Variants in ARHGAP15 observed in about 807,000 individuals in gnomAD.
ARHGAP15 encodes the protein Rho GTPase activating protein 15.
A neutral mutation model predicts 63.7 loss-of-function variants in ARHGAP15; 51 were observed. The observed-to-expected ratio is 0.80, with a 90% CI of 0.64 to 1.01. The LOEUF is 1.01. Ranked by LOEUF, ARHGAP15 falls within the 50% of genes least tolerant of loss-of-function variation. The probability of loss-of-function intolerance (pLI) is 0.00; values close to 1 mark genes in which losing one functional copy is unlikely to be tolerated. For missense variants in ARHGAP15, 560 were observed against 564.6 expected (o/e 0.99, Z 0.08); for synonymous variants, 191 against 193.8 (o/e 0.99, Z 0.12).
intron 10 of ARHGAP15, among the ~76,000 whole-genome samples, chr2:143,539,356 G>GC (rs1380392252): frequency 8.8e-6 from 1 of 113,544 alleles, no homozygotes; most frequent in African/African-American, 3.8e-5. Context: ...ATTTTTTGAA[G>GC]GGTTTTTTGT....
intron 11 of ARHGAP15, among the ~76,000 whole-genome samples, chr2:143,606,056 A>AAAAAC (rs1698007575): frequency 7.4e-6 from 1 of 135,580 alleles, no homozygotes; most frequent in Non-Finnish European, 1.6e-5. Flanking sequence ...AAAAAAAAAA[A>AAAAAC]AAAAAAAAAA....
intron 6 of ARHGAP15, among the ~76,000 whole-genome samples, chr2:143,302,049 G>T (rs1177584307): frequency 6.6e-6 from 1 of 151,914 alleles, no homozygotes; most frequent in East Asian, 1.9e-4. Flanking sequence ...TTTAGACTTT[G>T]ATATTTGCTA....
chr2:143,301,070 A>G (rs1330639369), intron 6 of ARHGAP15, among the ~76,000 whole-genome samples: 5 of 151,880 alleles, frequency 3.3e-5, no homozygotes, highest in African/African-American at 1.2e-4. Flanking sequence ...TTTCCTGGTG[A>G]CTGTATTTTG....
chr2:143,395,280 TGA>T (rs1687709814), intron 6 of ARHGAP15, among the ~76,000 whole-genome samples: 1 of 151,812 alleles, frequency 6.6e-6, no homozygotes, highest in Non-Finnish European at 1.5e-5. Context: ...AGCAAGGAGG[TGA>T]GAGAGATTTC....
At chr2:143,374,343 C>A (rs1375779320) in intron 6 of ARHGAP15, among the ~76,000 whole-genome samples, 3 of 152,230 alleles carry the variant, frequency 2.0e-5, no homozygotes, top group African/African-American at 7.2e-5. Context: ...CTTATTCTCG[C>A]CATTTTCCCC....
chr2:143,425,508 C>T (rs1217937597), intron 6 of ARHGAP15, among the ~76,000 whole-genome samples: 1 of 151,822 alleles, frequency 6.6e-6, no homozygotes, highest in Non-Finnish European at 1.5e-5. Flanking sequence ...GAACATATTA[C>T]ATGTACATAT....
intron 12 of ARHGAP15, among the ~76,000 whole-genome samples, chr2:143,642,272 A>G (rs77710194): frequency 0.022 from 3,355 of 151,946 alleles, 136 homozygotes; most frequent in African/African-American, 0.077. Context: ...TTTTTTATGT[A>G]TAAGAAGAGG....
At chr2:143,462,169 A>G (rs1356373425) in intron 8 of ARHGAP15, among the ~76,000 whole-genome samples, 2 of 152,176 alleles carry the variant, frequency 1.3e-5, no homozygotes, top group African/African-American at 4.8e-5. Flanking sequence ...CAATAAAATA[A>G]AATAGACTTA....
At chr2:143,492,147 G>T (rs745490629) in intron 9 of ARHGAP15, among the ~76,000 whole-genome samples, 14 of 152,184 alleles carry the variant, frequency 9.2e-5, no homozygotes, top group Non-Finnish European at 8.8e-5. Flanking sequence ...CTCCCAAAGT[G>T]CTAGGATTAT....
At chr2:143,408,005 AT>A (rs1688279818) in intron 6 of ARHGAP15, among the ~76,000 whole-genome samples, 1 of 74,438 alleles carries the variant, frequency 1.3e-5, no homozygotes, top group East Asian at 4.7e-4. Flanking sequence ...ATATATATAT[AT>A]ATATATATAT....
chr2:143,394,784 A>G (rs1350040550), intron 6 of ARHGAP15, among the ~76,000 whole-genome samples: 1 of 152,148 alleles, frequency 6.6e-6, no homozygotes, highest in African/African-American at 2.4e-5. Flanking sequence ...AGTTAAGGAG[A>G]CTGGAGAAAT....
At chr2:143,382,467 G>C (rs909148545) in intron 6 of ARHGAP15, among the ~76,000 whole-genome samples, 1 of 152,090 alleles carries the variant, frequency 6.6e-6, no homozygotes, top group South Asian at 2.1e-4. Flanking sequence ...CACATTCTCT[G>C]TGCATGTATG....
At chr2:143,517,161 A>T (rs1476637830) in intron 9 of ARHGAP15, among the ~76,000 whole-genome samples, 1 of 152,210 alleles carries the variant, frequency 6.6e-6, no homozygotes, top group Non-Finnish European at 1.5e-5. Flanking sequence ...GTTGGCCAAG[A>T]TGGTCTAAAT....
intron 12 of ARHGAP15, among the ~76,000 whole-genome samples, chr2:143,664,070 C>T (rs1232707843): frequency 1.3e-5 from 2 of 151,910 alleles, no homozygotes; most frequent in South Asian, 2.1e-4. Context: ...ACCTAATAGA[C>T]ATCTACAGAA....
chr2:143,534,996 T>C (rs1694688596), intron 10 of ARHGAP15, among the ~76,000 whole-genome samples: 1 of 152,198 alleles, frequency 6.6e-6, no homozygotes, highest in Non-Finnish European at 1.5e-5. Flanking sequence ...GAAGATGTTA[T>C]TTTTTACAAT....
In ARHGAP15 at chr2:143,703,410, T is replaced by C; in HGVS notation, c.1139-9T>C. The C allele has an allele frequency of 6.3e-7, 1 of 1,597,564 alleles. No individual in the cohort carries two copies. The highest frequency in any genetic ancestry group is 1.1e-5 in the South Asian group (1 of 87,782). ...TTTCCCTAACCTTCCTTTTTATTTT[T>C]TTTTCCAGAAAAGCAAGACAACAAC... On this transcript the variant is annotated splice_polypyrimidine_tract_variant and intron_variant, in intron 12 of 13. Coordinates refer to ENST00000295095, the MANE Select transcript of ARHGAP15 (RefSeq NM_018460.4).
At chr2:143,754,721 C>G (rs1048480098) in intron 13 of ARHGAP15, among the ~76,000 whole-genome samples, 2 of 152,200 alleles carry the variant, frequency 1.3e-5, no homozygotes, top group Non-Finnish European at 2.9e-5. Flanking sequence ...TCATCAAAGT[C>G]TCACCTTTCC....
chr2:143,491,753 A>G (rs1168919212), intron 9 of ARHGAP15, among the ~76,000 whole-genome samples: 2 of 152,054 alleles, frequency 1.3e-5, no homozygotes, highest in Non-Finnish European at 2.9e-5. Context: ...TTTTTTTGTC[A>G]ATGTCCTTCT....
chr2:143,376,986 CAAG>C (rs1217395511), intron 6 of ARHGAP15, among the ~76,000 whole-genome samples: 1 of 152,028 alleles, frequency 6.6e-6, no homozygotes, highest in Non-Finnish European at 1.5e-5. Context: ...AAGTAATAAA[CAAG>C]AACTTCAATT....
Sources: gnomAD v4.1 joint callset for allele counts (sites outside exome capture counted in the v4.1 genomes callset) on GRCh38, gnomAD v4.1.1 for gene constraint, MANE v1.5 for transcripts, NCBI Gene and HGNC (gene_info 2026-07-23, HGNC 2026-07-21) for gene names.